Variants in PRRG3 observed in about 807,000 individuals in gnomAD.
The protein encoded by PRRG3 is proline rich and Gla domain 3, also known as transmembrane gamma-carboxyglutamic acid protein 3.
Under a neutral mutation model 15.8 loss-of-function variants are expected in PRRG3, and 21 were observed. The ratio of observed to expected loss-of-function variants is 1.33; its 90% CI spans 0.94 to 1.92. PRRG3 has a LOEUF of 1.92. Ranked by LOEUF, PRRG3 falls within the 40% of genes most tolerant of loss-of-function variation. PRRG3 has a pLI of 0.00. For synonymous variants in PRRG3, 125 were observed against 84.1 expected, an observed-to-expected ratio of 1.49 and a Z score of -2.66; for missense variants, 251 against 200.2, an observed-to-expected ratio of 1.25 and a Z score of -1.53.
At chrX:151,698,722 G>C (rs2014809085) in intron 1 of PRRG3, 62 bp from the exon 2 acceptor site, 2 of 925,886 alleles carry the variant, frequency 2.2e-6, no homozygotes, top group East Asian at 6.3e-5. Flanking sequence ...CCAGAGCCAA[G>C]AGTGTGCCCT....
chrX:151,703,645 GTGGCATTAACTATAT>G lies in PRRG3; in HGVS notation c.*2616_*2630del, dbSNP rs2014922533. The G allele has an allele frequency of 9.0e-6, 1 of 110,985 alleles. No homozygotes were observed. The highest frequency in any genetic ancestry group is 3.3e-5 in the African/African-American group (1 of 30,418). The allele number at this position is 110,985 out of a possible 1,213,427, so 9.1% of individuals were successfully genotyped here. ...ATGACAGGGCCCTGAGCAAGGAAAC[GTGGCATTAACTATAT>G]TGGACACCCAACCCCCAAAGTTGTC... On this transcript the variant is annotated 3_prime_UTR_variant, in exon 4 of 4. Coordinates refer to ENST00000674457, the MANE Select transcript of PRRG3 (RefSeq NM_001372163.1).
chrX:151,704,142 C>A lies in PRRG3; in HGVS notation c.*3109C>A, dbSNP rs2014942207. 1 of 109,578 alleles carries A rather than the reference C, an allele frequency of 9.1e-6. No homozygotes were observed. Among genetic ancestry groups the A allele is most frequent in the East Asian group, 2.9e-4 (1 of 3,489 alleles). The allele number at this position is 109,578 out of a possible 1,213,427, so 9.0% of individuals were successfully genotyped here. A position where few individuals can be genotyped will look rare whatever the true frequency, so the allele number is the denominator to read the frequency against. On this transcript the variant is annotated 3_prime_UTR_variant, in exon 4 of 4. Transcript: ENST00000674457. ...CTGTCCCTCCCCCGCTTCCCATCGC[C>A]TCCGGTTTTCAAAATGAAAGCACAA...
chrX:151,699,948 C>A (rs1036617199), intron 2 of PRRG3, 48 bp from the exon 3 acceptor site: 14 of 1,132,349 alleles, frequency 1.2e-5, no homozygotes, highest in Admixed American at 2.6e-5. Flanking sequence ...TTTGAAGGAG[C>A]CCCTGGGCAT....
intron 2 of PRRG3, among the ~76,000 whole-genome samples, chrX:151,699,407 G>A (rs2014822927): frequency 8.9e-6 from 1 of 112,282 alleles, no homozygotes; most frequent in South Asian, 3.7e-4. Flanking sequence ...TCTTAGGCTC[G>A]TGTATGCCCA....
rs2014944504 is a variant in PRRG3, at chrX:151,704,305, G to T, written c.*3272G>T. The stretch of plus-strand genomic sequence containing the variant: ...TTTCAACTTCCAATCCCACTGCCAT[G>T]AATGTGAATTCCTTAGGGTGCTTCC... On this transcript the variant is annotated 3_prime_UTR_variant, in exon 4 of 4. Transcript: ENST00000674457. 1 of 110,924 alleles carries T rather than the reference G, an allele frequency of 9.0e-6. No individual in the cohort carries two copies. The highest frequency in any genetic ancestry group is 3.3e-5 in the African/African-American group (1 of 30,410). 9.1% of individuals were successfully genotyped at this position (110,924 alleles called of 1,213,427 possible).
Position 151,702,604 on chromosome X carries a change from A to T in PRRG3, c.*1571A>T, listed in dbSNP as rs776786426. The T allele has an allele frequency of 8.9e-6, 1 of 112,296 alleles. No homozygotes were observed. The allele number at this position is 112,296 out of a possible 1,213,427, so 9.3% of individuals were successfully genotyped here. A position where few individuals can be genotyped will look rare whatever the true frequency, so the allele number is the denominator to read the frequency against. On this transcript the variant is annotated 3_prime_UTR_variant, in exon 4 of 4. Coordinates refer to ENST00000674457, the MANE Select transcript of PRRG3 (RefSeq NM_001372163.1). ...TTGCCTTAGGAAGAGTCTTCTAGAAAGGTGTAGGTTATAAGGGAGCAGTCT... is the reference window on the plus strand; with the variant it reads ...TTGCCTTAGGAAGAGTCTTCTAGAATGGTGTAGGTTATAAGGGAGCAGTCT...
chrX:151,694,695 C>T (rs201376181), upstream of PRRG3, among the ~76,000 whole-genome samples: 33,502 of 110,540 alleles, frequency 0.3, 4,273 homozygotes, highest in East Asian at 0.85. Context: ...GCAGGCTAGC[C>T]CCCCTCTCTT....
In PRRG3 at chrX:151,704,909, TCA is replaced by T. The variant is rs1221006930; in HGVS notation, c.*3879_*3880del. ...CCACTACTTCAGAACTTCGAGAAAATCACAACTTAAGACAATTCACAGTAGCT... is the reference window on the plus strand; with the variant it reads ...CCACTACTTCAGAACTTCGAGAAAATCAACTTAAGACAATTCACAGTAGCT... On this transcript the variant is annotated 3_prime_UTR_variant, in exon 4 of 4. Transcript: ENST00000674457. 1 of 120,521 alleles carries T rather than the reference TCA, an allele frequency of 8.3e-6. No homozygotes were observed. The highest frequency in any genetic ancestry group is 1.7e-5 in the Non-Finnish European group (1 of 59,086). The allele number at this position is 120,521 out of a possible 1,213,427, so 9.9% of individuals were successfully genotyped here.
Position 151,704,016 on chromosome X carries a change from T to C in PRRG3, c.*2983T>C, listed in dbSNP as rs2014940256. On this transcript the variant is annotated 3_prime_UTR_variant, in exon 4 of 4. Transcript: ENST00000674457. ...GGACTAGTTAATTAGATGTTTTTCA[T>C]TTTTCAAAAAGAAAAGGTTTTAAAA... The C allele has an allele frequency of 9.6e-6, 1 of 104,550 alleles. No individual in the cohort carries two copies. The highest frequency in any genetic ancestry group is 2.0e-5 in the Non-Finnish European group (1 of 51,248). The allele number at this position is 104,550 out of a possible 1,213,427, so 8.6% of individuals were successfully genotyped here. A position where few individuals can be genotyped will look rare whatever the true frequency, so the allele number is the denominator to read the frequency against.
At chrX:151,697,708 C>CAGTT (rs1161034107) in intron 1 of PRRG3, among the ~76,000 whole-genome samples, 2 of 108,772 alleles carry the variant, frequency 1.8e-5, no homozygotes, top group Non-Finnish European at 3.8e-5. Flanking sequence ...GTCTTGCATC[C>CAGTT]AGTTAGTCAT....
At chrX:151,697,155 CCTCTCTTT>C (rs1234031910) in intron 1 of PRRG3, among the ~76,000 whole-genome samples, 51 of 94,042 alleles carry the variant, frequency 5.4e-4, no homozygotes, top group East Asian at 3.5e-4. Context: ...TCCCTCTCTC[CCTCTCTTT>C]CTCTCTTTCT....
upstream of PRRG3, among the ~76,000 whole-genome samples, chrX:151,694,707 T>C (rs1290899010): frequency 3.7e-5 from 4 of 109,200 alleles, no homozygotes; most frequent in Admixed American, 3.8e-4. Flanking sequence ...CCCTCTCTTT[T>C]CGTTGGCCCC....
At position 151,700,573 on chromosome X, in the gene PRRG3, C is replaced by T. The variant is rs1490318875; in HGVS notation, c.236C>T (p.Ala79Val). The T allele has an allele frequency of 1.4e-5, 17 of 1,207,520 alleles. No homozygotes were observed. The highest frequency in any genetic ancestry group is 1.8e-5 in the Non-Finnish European group (16 of 893,300). The part of the protein sequence containing the change: ...SVRDPSQSSD[A>V]MYVVVPLLGV... ...CGAGACCCCTCGCAGAGCTCAGATG[C>T]CATGTATGTGGTGGTACCCCTTCTG... is the stretch of plus-strand genomic sequence containing the variant. Residue 79 changes from alanine (A) to valine (V), a missense_variant, in exon 4 of 4, where the codon GCC becomes GTC. By Grantham distance (64) the Ala-to-Val change is moderately conservative (BLOSUM62 0). Coordinates refer to ENST00000674457, the MANE Select transcript of PRRG3 (RefSeq NM_001372163.1).
At chrX:151,700,398 C>G (rs1013382167) in intron 3 of PRRG3, 108 bp from the exon 4 acceptor site, 1 of 1,133,132 alleles carries the variant, frequency 8.8e-7, no homozygotes. Flanking sequence ...TCTGGTAACT[C>G]TGTGAGACAA....
intron 2 of PRRG3, among the ~76,000 whole-genome samples, chrX:151,699,774 T>C (rs747578540): frequency 2.7e-5 from 3 of 113,064 alleles, no homozygotes; most frequent in East Asian, 5.6e-4. Context: ...TTGTTGGGGC[T>C]GTGGTATTCT....
chrX:151,697,154 C>T (rs866670507), intron 1 of PRRG3, among the ~76,000 whole-genome samples: 2 of 94,729 alleles, frequency 2.1e-5, no homozygotes, highest in African/African-American at 3.8e-5. Flanking sequence ...CTCCCTCTCT[C>T]CCTCTCTTTC....
chrX:151,700,269 C>A, intron 3 of PRRG3, 113 bp downstream of exon 3: 1 of 1,187,857 alleles, frequency 8.4e-7, no homozygotes. Context: ...CAGCCTAAGG[C>A]ATAGCCACTA....
Position 151,702,779 on chromosome X carries a change from G to A in PRRG3, c.*1746G>A, listed in dbSNP as rs753308795. 1.8e-4 allele frequency: 20 copies of A among 111,738 alleles called. No individual in the cohort carries two copies. The highest frequency in any genetic ancestry group is 2.6e-4 in the Non-Finnish European group (14 of 53,150). The allele number at this position is 111,738 out of a possible 1,213,427, so 9.2% of individuals were successfully genotyped here. A position where few individuals can be genotyped will look rare whatever the true frequency, so the allele number is the denominator to read the frequency against. ...GAATGCAGGTGACATTCTACCTTTC[G>A]TTTCCTTGTCTTTCCCTCCCCTGGG... On this transcript the variant is annotated 3_prime_UTR_variant, in exon 4 of 4. Transcript: ENST00000674457.
chrX:151,703,759 A>G lies in PRRG3; in HGVS notation c.*2726A>G, dbSNP rs1335733261. On this transcript the variant is annotated 3_prime_UTR_variant, in exon 4 of 4. Coordinates refer to ENST00000674457, the MANE Select transcript of PRRG3 (RefSeq NM_001372163.1). ...ATTCTGCAGGTCTCCACCCTATGCA[A>G]CCCCCGCTCACACGCCCTTTTGGCA... 5.6e-5 allele frequency: 6 copies of G among 107,756 alleles called. No individual in the cohort carries two copies. Among genetic ancestry groups the G allele is most frequent in the African/African-American group, 2.1e-4 (6 of 29,162 alleles). 8.9% of individuals were successfully genotyped at this position (107,756 alleles called of 1,213,427 possible). A position where few individuals can be genotyped will look rare whatever the true frequency, so the allele number is the denominator to read the frequency against.
Sources: allele counts gnomAD v4.1 joint callset (sites outside exome capture counted in the v4.1 genomes callset), GRCh38; gene constraint gnomAD v4.1.1; transcripts MANE v1.5; gene names NCBI Gene and HGNC (gene_info 2026-07-23, HGNC 2026-07-21).